The following UNC5D variants were observed in gnomAD, a reference collection of about 807,000 sequenced individuals.
The protein encoded by UNC5D is netrin receptor UNC5D.
In UNC5D, 39 loss-of-function variants were observed where a neutral mutation model predicts 105.4. That is an observed-to-expected ratio of 0.37 (90% confidence interval 0.29 to 0.48). The LOEUF is 0.48. Among genes scored for constraint, UNC5D ranks in the 20% least tolerant of loss-of-function variants. The pLI is 0.98. For synonymous variants in UNC5D, 452 were observed against 450.4 expected (o/e 1.00, Z -0.04); for missense variants, 991 against 1,202.4 (o/e 0.82, Z 2.60).
intron 1 of UNC5D, among the ~76,000 whole-genome samples, chr8:35,419,754 C>A (rs1805769087): frequency 6.6e-6 from 1 of 152,204 alleles, no homozygotes; most frequent in Admixed American, 6.5e-5. Flanking sequence ...AAGGGAGGAT[C>A]ACAGTGTTAC....
At position 35,569,070 on chromosome 8, in the gene UNC5D, T is replaced by A. The variant is rs897106225; in HGVS notation, c.466+829T>A. ...AGGACTAAAAAAAAAAAAAAAAAAA[T>A]ACACACTTGGAAAAAAGTATGAAAG... On this transcript the variant is annotated intron_variant, in intron 3 of 16. Coordinates refer to ENST00000404895, the MANE Select transcript of UNC5D (RefSeq NM_080872.4). Among the ~76,000 whole-genome samples the A allele has an allele frequency of 5.8e-5, 8 of 137,640 alleles. No individual in the cohort carries two copies. The South Asian group carries it at 9.1e-4, about 16-fold the overall frequency. The allele number at this position is 137,640 out of a possible 152,430, so 90.3% of individuals were successfully genotyped here.
chr8:35,577,087 A>T (rs1818145323), intron 3 of UNC5D, among the ~76,000 whole-genome samples: 1 of 152,084 alleles, frequency 6.6e-6, no homozygotes, highest in Non-Finnish European at 1.5e-5. Flanking sequence ...AGAAAATTAA[A>T]TTTTTTTCAG....
chr8:35,775,795 A>G (rs1352718580), intron 16 of UNC5D, among the ~76,000 whole-genome samples: 1 of 152,204 alleles, frequency 6.6e-6, no homozygotes, highest in East Asian at 1.9e-4. Context: ...GCCAAGAACG[A>G]AGGGCTCAAC....
At chr8:35,766,201 C>T (rs1282307259) in intron 14 of UNC5D, among the ~76,000 whole-genome samples, 2 of 151,970 alleles carry the variant, frequency 1.3e-5, no homozygotes, top group African/African-American at 4.8e-5. Flanking sequence ...TTACCTAGTA[C>T]AGTGTGTGGT....
chr8:35,515,763 C>T (rs770780521), intron 1 of UNC5D, among the ~76,000 whole-genome samples: 6 of 152,164 alleles, frequency 3.9e-5, no homozygotes, highest in Non-Finnish European at 7.4e-5. Flanking sequence ...CAATATAAAA[C>T]TATTTTTTCC....
At chr8:35,616,159 CAGAG>C (rs1345105459) in intron 4 of UNC5D, among the ~76,000 whole-genome samples, 2 of 152,270 alleles carry the variant, frequency 1.3e-5, no homozygotes, top group Admixed American at 6.5e-5. Context: ...AACTGAGCCT[CAGAG>C]AGGTCAAGCG....
intron 4 of UNC5D, among the ~76,000 whole-genome samples, chr8:35,674,431 T>G (rs1825058317): frequency 1.3e-5 from 2 of 152,134 alleles, no homozygotes; most frequent in Admixed American, 1.3e-4. Context: ...ATATATGGTT[T>G]AGGCAAGGTA....
intron 1 of UNC5D, among the ~76,000 whole-genome samples, chr8:35,537,489 G>A (rs1039042298): frequency 2.6e-5 from 4 of 151,982 alleles, no homozygotes; most frequent in Non-Finnish European, 5.9e-5. Context: ...AGACCATCCT[G>A]GGCAACAGAG....
intron 1 of UNC5D, among the ~76,000 whole-genome samples, chr8:35,343,668 C>A (rs1267329797): frequency 6.6e-6 from 1 of 152,038 alleles, no homozygotes; most frequent in African/African-American, 2.4e-5. Context: ...AACTAAAAAT[C>A]TTCTTTGCTA....
At chr8:35,319,901 T>TC (rs1255575795) in intron 1 of UNC5D, among the ~76,000 whole-genome samples, 1 of 152,064 alleles carries the variant, frequency 6.6e-6, no homozygotes, top group Non-Finnish European at 1.5e-5. Flanking sequence ...CATGTTTCAC[T>TC]CCCCCTTGAG....
intron 3 of UNC5D, among the ~76,000 whole-genome samples, chr8:35,586,363 CAA>C (rs1818792939): frequency 6.6e-6 from 1 of 152,158 alleles, no homozygotes; most frequent in Non-Finnish European, 1.5e-5. Flanking sequence ...GTGCCAAATA[CAA>C]AAGACTATCA....
chr8:35,646,041 G>A (rs911648079), intron 4 of UNC5D, among the ~76,000 whole-genome samples: 3 of 152,036 alleles, frequency 2.0e-5, no homozygotes, highest in African/African-American at 7.2e-5. Context: ...TAAATGATGC[G>A]AAAATAATCA....
intron 4 of UNC5D, among the ~76,000 whole-genome samples, chr8:35,599,439 C>G (rs1304392775): frequency 2.0e-5 from 3 of 152,094 alleles, no homozygotes; most frequent in Non-Finnish European, 2.9e-5. Context: ...AGCCATTCGA[C>G]AGTACACACA....
At chr8:35,783,685 A>C (rs1271076339) in intron 16 of UNC5D, among the ~76,000 whole-genome samples, 4 of 152,154 alleles carry the variant, frequency 2.6e-5, no homozygotes, top group Admixed American at 2.0e-4. Flanking sequence ...CTAGTCCCTA[A>C]AATATTTGCA....
intron 2 of UNC5D, among the ~76,000 whole-genome samples, chr8:35,560,971 T>C (rs978903984): frequency 6.6e-6 from 1 of 152,174 alleles, no homozygotes; most frequent in African/African-American, 2.4e-5. Flanking sequence ...ATAATCTTCA[T>C]AGTAGGGTGC....
chr8:35,767,983 T>C (rs892472396), intron 15 of UNC5D, among the ~76,000 whole-genome samples: 1 of 151,030 alleles, frequency 6.6e-6, no homozygotes, highest in Non-Finnish European at 1.5e-5. Flanking sequence ...ACATTTTTTG[T>C]TTTTCACTTA....
intron 11 of UNC5D, among the ~76,000 whole-genome samples, chr8:35,741,219 A>C (rs1829743273): frequency 6.6e-6 from 1 of 152,204 alleles, no homozygotes; most frequent in African/African-American, 2.4e-5. Context: ...ATGTGTGTGT[A>C]AACTAAAGCC....
At chr8:35,374,791 A>G (rs1802604460) in intron 1 of UNC5D, among the ~76,000 whole-genome samples, 1 of 152,240 alleles carries the variant, frequency 6.6e-6, no homozygotes, top group Non-Finnish European at 1.5e-5. Flanking sequence ...TTTTAAAAAT[A>G]CATTTTATGG....
At chr8:35,362,899 A>C (rs928256141) in intron 1 of UNC5D, among the ~76,000 whole-genome samples, 1 of 152,170 alleles carries the variant, frequency 6.6e-6, no homozygotes, top group Non-Finnish European at 1.5e-5. Context: ...AATTATAAAA[A>C]TAGGTGACCA....
Sources: gnomAD v4.1 joint callset for allele counts (sites outside exome capture counted in the v4.1 genomes callset) on GRCh38, gnomAD v4.1.1 for gene constraint, MANE v1.5 for transcripts, NCBI Gene and HGNC (gene_info 2026-07-23, HGNC 2026-07-21) for gene names.